The following CTNND2 variants were observed in gnomAD, a reference collection of about 807,000 sequenced individuals.
CTNND2 encodes the protein catenin delta-2.
CTNND2 carries 22 observed loss-of-function variants against 144.4 expected under a neutral mutation model. The observed-to-expected ratio is 0.15, with a 90% CI of 0.11 to 0.22. The LOEUF is 0.22. CTNND2 is among the 10% of genes least tolerant of loss of function. The pLI, the probability that CTNND2 is intolerant of heterozygous loss-of-function variation, is 1.00. For missense variants in CTNND2, 1,353 were observed against 1,618.8 expected (o/e 0.84, Z 2.82); for synonymous variants, 751 against 695.6 (o/e 1.08, Z -1.25).
chr5:11,372,326 C>T (rs1443526768), intron 7 of CTNND2, among the ~76,000 whole-genome samples: 1 of 152,220 alleles, frequency 6.6e-6, no homozygotes, highest in African/African-American at 2.4e-5. Flanking sequence ...TATTCCCAAA[C>T]TGTTAGGAAA....
At chr5:11,253,798 C>T (rs572988347) in intron 9 of CTNND2, among the ~76,000 whole-genome samples, 14 of 152,312 alleles carry the variant, frequency 9.2e-5, no homozygotes, top group African/African-American at 3.1e-4. Flanking sequence ...ATTCTGCTCA[C>T]CTTAGTGTTC....
chr5:11,796,750 T>G (rs1561804855), intron 1 of CTNND2, among the ~76,000 whole-genome samples: 1 of 152,134 alleles, frequency 6.6e-6, no homozygotes, highest in Non-Finnish European at 1.5e-5. Context: ...TACAAAAATC[T>G]ATATAAAAAC....
chr5:11,040,026 C>T (rs956635099), intron 16 of CTNND2, among the ~76,000 whole-genome samples: 1 of 152,100 alleles, frequency 6.6e-6, no homozygotes, highest in African/African-American at 2.4e-5. Flanking sequence ...CACACCACTG[C>T]ACTCCAGCCT....
chr5:11,277,314 T>C (rs1188957275), intron 9 of CTNND2, among the ~76,000 whole-genome samples: 3 of 152,022 alleles, frequency 2.0e-5, no homozygotes, highest in Non-Finnish European at 4.4e-5. Context: ...TTTTCAAATT[T>C]TATAATTCAC....
Position 11,685,373 on chromosome 5 carries a change from C to T in CTNND2, c.174+46763G>A, listed in dbSNP as rs77926436. 4.1e-3 allele frequency among the ~76,000 whole-genome samples: 620 copies of T among 152,264 alleles called. 5 individuals carry two copies. The highest frequency in any genetic ancestry group is 0.014 in the African/African-American group (598 of 41,538). On this transcript the variant is annotated intron_variant, in intron 2 of 21. Coordinates refer to ENST00000304623, the MANE Select transcript of CTNND2 (RefSeq NM_001332.4). The stretch of plus-strand genomic sequence containing the variant: ...AACCTACAGGTAGTTCACAATCTCA[C>T]CTCTCATGAATTCCTTACAACAAAT...
At chr5:11,319,349 A>G (rs1308511493) in intron 9 of CTNND2, among the ~76,000 whole-genome samples, 1 of 152,234 alleles carries the variant, frequency 6.6e-6, no homozygotes, top group Non-Finnish European at 1.5e-5. Flanking sequence ...CCTACACAAT[A>G]ATTTTGTGTA....
intron 9 of CTNND2, among the ~76,000 whole-genome samples, chr5:11,303,720 T>G (rs1353870590): frequency 1.3e-5 from 2 of 152,222 alleles, no homozygotes; most frequent in Non-Finnish European, 2.9e-5. Flanking sequence ...ACCCAGCTGT[T>G]TCCACTTTGT....
intron 9 of CTNND2, among the ~76,000 whole-genome samples, chr5:11,283,647 C>G (rs1747394510): frequency 8.8e-6 from 1 of 113,356 alleles, no homozygotes; most frequent in African/African-American, 3.5e-5. Context: ...GCACTCCAGC[C>G]TGGGTGAAAG....
intron 2 of CTNND2, among the ~76,000 whole-genome samples, chr5:11,613,376 T>C (rs1780426069): frequency 6.6e-6 from 1 of 152,198 alleles, no homozygotes; most frequent in African/African-American, 2.4e-5. Context: ...AAACCACTGA[T>C]GACATTTATG....
chr5:11,466,702 T>C (rs1234337660), intron 3 of CTNND2, among the ~76,000 whole-genome samples: 2 of 152,176 alleles, frequency 1.3e-5, no homozygotes, highest in Non-Finnish European at 2.9e-5. Flanking sequence ...TCATGAGATA[T>C]TGACAAGATG....
At chr5:11,094,624 C>T (rs149789486) in intron 15 of CTNND2, among the ~76,000 whole-genome samples, 17 of 151,986 alleles carry the variant, frequency 1.1e-4, no homozygotes, top group Middle Eastern at 3.4e-3. Context: ...GGACTACAGG[C>T]ACACGCCACC....
chr5:11,472,816 A>C (rs1767353379), intron 3 of CTNND2, among the ~76,000 whole-genome samples: 1 of 152,370 alleles, frequency 6.6e-6, no homozygotes, highest in Admixed American at 6.5e-5. Flanking sequence ...TATGACATCA[A>C]GTTCAGCACA....
At chr5:11,278,605 T>C (rs772402372) in intron 9 of CTNND2, among the ~76,000 whole-genome samples, 1 of 152,148 alleles carries the variant, frequency 6.6e-6, no homozygotes, top group Non-Finnish European at 1.5e-5. Context: ...GCTTCTGACA[T>C]GAGAGGAGAC....
intron 1 of CTNND2, among the ~76,000 whole-genome samples, chr5:11,763,609 A>G (rs1026279207): frequency 8.5e-5 from 13 of 152,224 alleles, no homozygotes; most frequent in African/African-American, 3.1e-4. Flanking sequence ...AGTAAGTAAT[A>G]GAGAATTCAG....
rs764848440 is a variant in CTNND2 at position 11,564,998 on chromosome 5, C to A, written c.233G>T (p.Ser78Ile). ...ELEAERQIVA[S>I]QLERCKLGSE... ...TCCGAGCTTGCATCGCTCCAGCTGG[C>A]TGGCTACGATCTGCCGTTCAGCCTC... The change falls in exon 3 of 22, where the codon AGC (serine) becomes ATC (isoleucine). Residue 78 changes from serine to isoleucine, a missense_variant. Ser to Ile is a moderately radical substitution (Grantham distance 142, BLOSUM62 -2). Coordinates refer to ENST00000304623, the MANE Select transcript of CTNND2 (RefSeq NM_001332.4). The A allele has an allele frequency of 3.1e-6, 5 of 1,614,014 alleles. No individual in the cohort carries two copies. The African/African-American group carries it at 6.7e-5, about 22-fold the overall frequency.
At chr5:10,975,322 C>G (rs1467332216) in intron 21 of CTNND2, among the ~76,000 whole-genome samples, 1 of 152,150 alleles carries the variant, frequency 6.6e-6, no homozygotes, top group Non-Finnish European at 1.5e-5. Context: ...TGCTGTGTTT[C>G]TTGTTCAGCA....
intron 1 of CTNND2, among the ~76,000 whole-genome samples, chr5:11,773,214 A>C (rs897779654): frequency 3.9e-5 from 6 of 152,222 alleles, no homozygotes; most frequent in Non-Finnish European, 5.9e-5. Context: ...TATATCTATG[A>C]ATCCATACAA....
chr5:11,050,884 G>C (rs190412516), intron 16 of CTNND2, among the ~76,000 whole-genome samples: 66 of 152,272 alleles, frequency 4.3e-4, no homozygotes, highest in African/African-American at 1.3e-3. Flanking sequence ...CTCCACTTCT[G>C]GTTGGCTCAT....
intron 16 of CTNND2, among the ~76,000 whole-genome samples, chr5:11,078,245 G>C (rs937176399): frequency 6.6e-6 from 1 of 152,150 alleles, no homozygotes; most frequent in South Asian, 2.1e-4. Flanking sequence ...ATAAAGTTCT[G>C]TATAGCATTT....
Sources: gnomAD v4.1 joint callset for allele counts (sites outside exome capture counted in the v4.1 genomes callset) on GRCh38, gnomAD v4.1.1 for gene constraint, MANE v1.5 for transcripts, NCBI Gene and HGNC (gene_info 2026-07-23, HGNC 2026-07-21) for gene names.